SCFD1: variants seen among roughly 807,000 people sequenced by gnomAD.
The protein encoded by SCFD1 is sec1 family domain-containing protein 1.
Under a neutral mutation model 103.2 loss-of-function variants are expected in SCFD1, and 37 were observed. The observed-to-expected ratio is 0.36, with a 90% CI of 0.28 to 0.47. The LOEUF is 0.47. Among genes scored for constraint, SCFD1 ranks in the 20% least tolerant of loss-of-function variants. The pLI is 1.00. For synonymous variants in SCFD1, 264 were observed against 245.0 expected (o/e 1.08, Z -0.73); for missense variants, 639 against 761.2 (o/e 0.84, Z 1.89).
intron 10 of SCFD1, among the ~76,000 whole-genome samples, chr14:30,667,803 T>C (rs909207300): frequency 1.3e-5 from 2 of 152,232 alleles, no homozygotes; most frequent in Admixed American, 1.3e-4. Flanking sequence ...CCATTCACAA[T>C]TGCTACAAAG....
At chr14:30,683,064 A>C (rs915357098) in intron 14 of SCFD1, 5 of 1,376,058 alleles carry the variant, frequency 3.6e-6, no homozygotes, top group Non-Finnish European at 5.1e-6. Context: ...CTGACTGGTG[A>C]CCTGTTTTGA....
At chr14:30,733,255 G>T (rs971799496) in intron 23 of SCFD1, among the ~76,000 whole-genome samples, 1 of 152,044 alleles carries the variant, frequency 6.6e-6, no homozygotes, top group Non-Finnish European at 1.5e-5. Flanking sequence ...TGATCCACTT[G>T]CCTCGGCCTC....
At chr14:30,631,176 C>T (rs1330387733) in intron 3 of SCFD1, among the ~76,000 whole-genome samples, 1 of 151,970 alleles carries the variant, frequency 6.6e-6, no homozygotes, top group African/African-American at 2.4e-5. Flanking sequence ...CGTGGTGAAA[C>T]GCCATCTTCA....
At chr14:30,670,959 G>A (rs1449500344) in intron 11 of SCFD1, among the ~76,000 whole-genome samples, 1 of 152,034 alleles carries the variant, frequency 6.6e-6, no homozygotes, top group East Asian at 1.9e-4. Context: ...CTCAGTTACT[G>A]CTATAAAAGT....
chr14:30,701,945 T>A (rs1395142874), intron 16 of SCFD1, among the ~76,000 whole-genome samples: 2 of 152,256 alleles, frequency 1.3e-5, no homozygotes, highest in African/African-American at 4.8e-5. Flanking sequence ...GTTTCTGGTT[T>A]AGAAATATTC....
At chr14:30,734,675 C>A in intron 23 of SCFD1, 115 bp from the exon 24 acceptor site, 3 of 788,756 alleles carry the variant, frequency 3.8e-6, no homozygotes, top group Non-Finnish European at 6.5e-6. Flanking sequence ...CCAACAGTAT[C>A]CCAAAGAAAG....
rs528307482 is a variant in SCFD1 at position 30,673,849 on chromosome 14, A to G, written c.1087-75A>G. 331 of 1,005,952 alleles carry G rather than the reference A, an allele frequency of 3.3e-4. 1 individual carries two copies. The highest frequency in any genetic ancestry group is 7.9e-4 in the East Asian group (33 of 41,830). The allele number at this position is 1,005,952 out of a possible 1,614,324, so 62.3% of individuals were successfully genotyped here. ...CAATAATCTTAGGATATTTGCTCCA[A>G]TCTTAGGATGTGTTGATTTTTATGC... On this transcript the variant is annotated intron_variant, in intron 12 of 24. Coordinates refer to ENST00000458591, the MANE Select transcript of SCFD1 (RefSeq NM_016106.4).
chr14:30,679,847 A>C (rs1889333208), intron 14 of SCFD1, among the ~76,000 whole-genome samples: 1 of 152,194 alleles, frequency 6.6e-6, no homozygotes. Context: ...TATCAAGTGA[A>C]AGTTCTTATT....
intron 10 of SCFD1, among the ~76,000 whole-genome samples, chr14:30,659,173 G>GTTT (rs542816136): frequency 8.6e-6 from 1 of 116,400 alleles, no homozygotes; most frequent in Non-Finnish European, 1.8e-5. Context: ...AGCTGCTATA[G>GTTT]TTTTTTTTTT....
intron 19 of SCFD1, among the ~76,000 whole-genome samples, chr14:30,709,720 G>A (rs1891730882): frequency 6.6e-6 from 1 of 152,166 alleles, no homozygotes; most frequent in Non-Finnish European, 1.5e-5. Context: ...AGACAAATGT[G>A]CTATACTTTA....
At chr14:30,701,448 G>A (rs549632515) in intron 16 of SCFD1, among the ~76,000 whole-genome samples, 1 of 151,874 alleles carries the variant, frequency 6.6e-6, no homozygotes, top group Admixed American at 6.6e-5. Flanking sequence ...TCAGCTACTC[G>A]GGAGGCTGAG....
chr14:30,698,053 TAG>T (rs1311498870), intron 15 of SCFD1, among the ~76,000 whole-genome samples: 1 of 152,194 alleles, frequency 6.6e-6, no homozygotes, highest in African/African-American at 2.4e-5. Flanking sequence ...GAGGCTGTGT[TAG>T]AGAATGTCTT....
intron 10 of SCFD1, among the ~76,000 whole-genome samples, chr14:30,664,809 A>G (rs1197930243): frequency 6.6e-6 from 1 of 152,232 alleles, no homozygotes; most frequent in Non-Finnish European, 1.5e-5. Flanking sequence ...TTGAAGATCA[A>G]ATTAACGATA....
At chr14:30,719,421 C>A (rs779705122) in intron 21 of SCFD1, 44 bp downstream of exon 21, 26 of 1,421,782 alleles carry the variant, frequency 1.8e-5, no homozygotes, top group Admixed American at 5.7e-5. Context: ...TTTTTCCCCT[C>A]GAGAATGGAA....
At chr14:30,654,464 A>G (rs1171359924) in intron 10 of SCFD1, among the ~76,000 whole-genome samples, 1 of 152,262 alleles carries the variant, frequency 6.6e-6, no homozygotes, top group East Asian at 1.9e-4. Context: ...ACATGAGGCC[A>G]GGAGCTAAAG....
At chr14:30,682,932 C>T (rs138245765) in intron 14 of SCFD1, 98 of 429,296 alleles carry the variant, frequency 2.3e-4, no homozygotes, top group African/African-American at 1.9e-3. Flanking sequence ...AAGACAAAAA[C>T]AAAAATAATA....
At chr14:30,731,063 A>C (rs1183988751) in intron 23 of SCFD1, among the ~76,000 whole-genome samples, 8 of 152,182 alleles carry the variant, frequency 5.3e-5, no homozygotes, top group Admixed American at 3.3e-4. Flanking sequence ...TCAGCTTTCT[A>C]CATATGGCTA....
In SCFD1 at chr14:30,663,786, A is replaced by G. The variant is rs150304971; in HGVS notation, c.856-6470A>G. 3.3e-4 allele frequency among the ~76,000 whole-genome samples: 50 copies of G among 152,300 alleles called. 1 individual carries two copies. The highest frequency in any genetic ancestry group is 1.1e-3 in the African/African-American group (46 of 41,562). ...TCAGACTGCCTAGATTTTAATCTTG[A>G]TTCTGCCACATATTTATGTATAACT... On this transcript the variant is annotated intron_variant, in intron 10 of 24. Transcript: ENST00000458591.
At chr14:30,622,612 G>A in intron 1 of SCFD1, 1 of 795,510 alleles carries the variant, frequency 1.3e-6, no homozygotes, top group Non-Finnish European at 1.9e-6. Context: ...TTCAGCGGTG[G>A]GCGGATTGCT....
Sources: gnomAD v4.1 joint callset for allele counts (sites outside exome capture counted in the v4.1 genomes callset) on GRCh38, gnomAD v4.1.1 for gene constraint, MANE v1.5 for transcripts, NCBI Gene and HGNC (gene_info 2026-07-23, HGNC 2026-07-21) for gene names.